PPFIA2: variants seen among roughly 807,000 people sequenced by gnomAD.
PPFIA2 encodes liprin-alpha-2.
In PPFIA2, 46 loss-of-function variants were observed where a neutral mutation model predicts 175.5. The observed-to-expected ratio is 0.26, with a 90% CI of 0.21 to 0.34. The LOEUF (loss-of-function observed/expected upper bound fraction) is 0.34, where lower values mean the gene tolerates loss of function less well. PPFIA2 is among the 10% of genes least tolerant of loss of function. The pLI, the probability that PPFIA2 is intolerant of heterozygous loss-of-function variation, is 1.00. For synonymous variants in PPFIA2, 568 were observed against 511.4 expected, an observed-to-expected ratio of 1.11 and a Z score of -1.49; for missense variants, 1,179 against 1,506.1, an observed-to-expected ratio of 0.78 and a Z score of 3.60.
At chr12:81,409,025 C>T (rs1047250167) in intron 7 of PPFIA2, among the ~76,000 whole-genome samples, 8 of 152,106 alleles carry the variant, frequency 5.3e-5, no homozygotes, top group African/African-American at 1.7e-4. Context: ...TTTCTTCAAT[C>T]TGTTTTAAAG....
intron 4 of PPFIA2, among the ~76,000 whole-genome samples, chr12:81,651,120 A>G (rs530536241): frequency 3.9e-5 from 6 of 152,196 alleles, no homozygotes; most frequent in Non-Finnish European, 8.8e-5. Context: ...ATCTGGCTAT[A>G]TAGTAAAGCT....
In PPFIA2 at chr12:81,301,529, G is replaced by A. The variant is rs1203504679; in HGVS notation, c.2643-2147C>T. On this transcript the variant is annotated intron_variant, in intron 22 of 32. Coordinates refer to ENST00000549396, the MANE Select transcript of PPFIA2 (RefSeq NM_003625.5). ...CCCTAATAAAAATCCCACTAGAAAG[G>A]CCAGAGTGATCCTTTTGAGTCTGAT... is the stretch of plus-strand genomic sequence containing the variant. Among the ~76,000 whole-genome samples, 3 of 152,048 alleles carry A rather than the reference G, an allele frequency of 2.0e-5. No homozygotes were observed. The East Asian group carries it at 5.8e-4, about 29-fold the overall frequency.
intron 3 of PPFIA2, among the ~76,000 whole-genome samples, chr12:81,708,160 CTT>C (rs1480561092): frequency 4.7e-5 from 7 of 148,716 alleles, no homozygotes; most frequent in African/African-American, 1.7e-4. Flanking sequence ...TACCCTAAAA[CTT>C]AAAGTATAAT....
chr12:81,295,412 G>A (rs932525394), intron 23 of PPFIA2, among the ~76,000 whole-genome samples: 13 of 152,134 alleles, frequency 8.5e-5, no homozygotes, highest in African/African-American at 3.1e-4. Flanking sequence ...TTAATGAGTG[G>A]CTTCAATTTA....
intron 4 of PPFIA2, among the ~76,000 whole-genome samples, chr12:81,628,304 A>G (rs2062959373): frequency 6.6e-6 from 1 of 151,870 alleles, no homozygotes; most frequent in Non-Finnish European, 1.5e-5. Context: ...CTACCTATTT[A>G]AGCTTTCCTT....
At chr12:81,700,293 A>G (rs1185893640) in intron 3 of PPFIA2, among the ~76,000 whole-genome samples, 1 of 152,122 alleles carries the variant, frequency 6.6e-6, no homozygotes, top group Non-Finnish European at 1.5e-5. Context: ...TGTTATATAT[A>G]AAATATGTAA....
rs373467425 is a variant in PPFIA2 at position 81,341,167 on chromosome 12, T to C, written c.2304A>G (p.Thr768=). ...VEEDGREDKA[T]IKCETSPPPT... ...GAGGAGGAGAAGTTTCACATTTAAT[T>C]GTTGCTTTGTCCTCTCGACCATCTT... The change falls in exon 20 of 33, where the codon ACA becomes ACG. Residue 768 remains threonine (T), a synonymous_variant. Coordinates refer to ENST00000549396, the MANE Select transcript of PPFIA2 (RefSeq NM_003625.5). 40 of 1,612,230 alleles carry C rather than the reference T, an allele frequency of 2.5e-5. No homozygotes were observed. In the African/African-American group the frequency reaches 5.2e-4, roughly 21 times the overall value.
chr12:81,426,446 C>T (rs2144170174), intron 7 of PPFIA2, among the ~76,000 whole-genome samples: 1 of 152,186 alleles, frequency 6.6e-6, no homozygotes, highest in African/African-American at 2.4e-5. Flanking sequence ...TGAGAATTTC[C>T]TGAACTTGCA....
intron 6 of PPFIA2, among the ~76,000 whole-genome samples, chr12:81,441,939 A>G (rs1392302564): frequency 1.3e-5 from 2 of 152,150 alleles, no homozygotes; most frequent in Non-Finnish European, 2.9e-5. Context: ...AAATATCAAC[A>G]CATTAAAATC....
chr12:81,278,540 C>CA (rs10623632), intron 27 of PPFIA2, among the ~76,000 whole-genome samples: 69,933 of 136,572 alleles, frequency 0.51, 18,028 homozygotes, highest in East Asian at 0.78. Context: ...ACTCCATCTC[C>CA]AAAAAAAAAA....
At chr12:81,275,819 A>G (rs551801951) in intron 28 of PPFIA2, among the ~76,000 whole-genome samples, 15 of 145,652 alleles carry the variant, frequency 1.0e-4, no homozygotes, top group Non-Finnish European at 1.8e-4. Flanking sequence ...TTGCTCTGTC[A>G]CCCAGGCTGG....
chr12:81,477,414 C>T (rs2057621629), intron 4 of PPFIA2, among the ~76,000 whole-genome samples: 3 of 152,012 alleles, frequency 2.0e-5, no homozygotes, highest in Non-Finnish European at 1.5e-5. Context: ...TGATATATTC[C>T]ACCATTTGTT....
intron 7 of PPFIA2, among the ~76,000 whole-genome samples, chr12:81,436,117 A>G (rs2144752393): frequency 6.6e-6 from 1 of 151,362 alleles, no homozygotes; most frequent in Admixed American, 6.6e-5. Flanking sequence ...ATCTCTATAA[A>G]GAATACAAAA....
intron 4 of PPFIA2, among the ~76,000 whole-genome samples, chr12:81,495,167 C>A (rs891894720): frequency 2.6e-5 from 4 of 151,890 alleles, no homozygotes; most frequent in African/African-American, 9.7e-5. Context: ...CTCAATCATC[C>A]CCTAACAGAA....
chr12:81,488,004 T>C (rs1412812213), intron 4 of PPFIA2, among the ~76,000 whole-genome samples: 1 of 151,920 alleles, frequency 6.6e-6, no homozygotes, highest in Non-Finnish European at 1.5e-5. Flanking sequence ...AAAAGCCATG[T>C]AATATAGTTA....
Position 81,754,967 on chromosome 12 carries a change from A to C in PPFIA2, c.-2-744T>G, listed in dbSNP as rs559280693. ...CTTATGAAATAAACTGAGGTATATA[A>C]ATTTGTTTAGAGCATTATACTCATC... On this transcript the variant is annotated intron_variant, in intron 2 of 32. Transcript: ENST00000549396. Among the ~76,000 whole-genome samples the C allele has an allele frequency of 2.1e-4, 32 of 152,256 alleles. No individual in the cohort carries two copies. The South Asian group carries it at 2.3e-3, about 11-fold the overall frequency.
At chr12:81,542,027 C>CAAA in intron 4 of PPFIA2, among the ~76,000 whole-genome samples, 1 of 138,368 alleles carries the variant, frequency 7.2e-6, no homozygotes, top group Non-Finnish European at 1.6e-5. Context: ...TGGTGACTTC[C>CAAA]AAAAAAAAAA....
At chr12:81,627,409 T>G (rs1316941032) in intron 4 of PPFIA2, among the ~76,000 whole-genome samples, 1 of 152,108 alleles carries the variant, frequency 6.6e-6, no homozygotes, top group Non-Finnish European at 1.5e-5. Flanking sequence ...CCCATAAATA[T>G]GTGCAACTAT....
At chr12:81,496,295 T>A (rs953502374) in intron 4 of PPFIA2, among the ~76,000 whole-genome samples, 41 of 152,174 alleles carry the variant, frequency 2.7e-4, no homozygotes, top group African/African-American at 8.9e-4. Context: ...CAATGTGTGA[T>A]CCGTGATTTA....
Sources: allele counts gnomAD v4.1 joint callset (sites outside exome capture counted in the v4.1 genomes callset), GRCh38; gene constraint gnomAD v4.1.1; transcripts MANE v1.5; gene names NCBI Gene and HGNC (gene_info 2026-07-23, HGNC 2026-07-21).